Variants in ZC3H3 observed in about 807,000 individuals in gnomAD.
ZC3H3 encodes the protein zinc finger CCCH domain-containing protein 3.
Under a neutral mutation model 77.3 loss-of-function variants are expected in ZC3H3, and 36 were observed. That is an observed-to-expected ratio of 0.47 (90% CI 0.36 to 0.61). ZC3H3 has a LOEUF of 0.61. ZC3H3 is among the 20% of genes least tolerant of loss of function. The probability of loss-of-function intolerance (pLI) is 0.00; values close to 1 mark genes in which losing one functional copy is unlikely to be tolerated. For missense variants in ZC3H3, 1,331 were observed against 1,312.2 expected (o/e 1.01, Z -0.22); for synonymous variants, 626 against 555.2 (o/e 1.13, Z -1.79).
intron 4 of ZC3H3, among the ~76,000 whole-genome samples, chr8:143,491,243 C>T (rs772369768): frequency 6.6e-6 from 1 of 152,218 alleles, no homozygotes; most frequent in African/African-American, 2.4e-5. Flanking sequence ...GAGCTCCCTC[C>T]CCGAAGGTCC....
chr8:143,516,208 T>C (rs1822035390), intron 3 of ZC3H3, among the ~76,000 whole-genome samples: 1 of 152,252 alleles, frequency 6.6e-6, no homozygotes, highest in Non-Finnish European at 1.5e-5. Flanking sequence ...GTGGGATGAC[T>C]GGAACCACAA....
chr8:143,532,419 C>T (rs557707259), intron 3 of ZC3H3, among the ~76,000 whole-genome samples: 25 of 152,388 alleles, frequency 1.6e-4, no homozygotes, highest in Middle Eastern at 3.4e-3. Flanking sequence ...GACACTGGGA[C>T]ACTGCCGTCT....
At chr8:143,539,514 T>G (rs996790202) in intron 1 of ZC3H3, among the ~76,000 whole-genome samples, 194 bp from the exon 2 acceptor site, 7 of 152,168 alleles carry the variant, frequency 4.6e-5, no homozygotes, top group Non-Finnish European at 8.8e-5. Context: ...GGCCTGTCGC[T>G]TCTATGAGCC....
chr8:143,483,912 C>A (rs528174633), intron 4 of ZC3H3, among the ~76,000 whole-genome samples: 13 of 152,354 alleles, frequency 8.5e-5, no homozygotes, highest in Non-Finnish European at 1.2e-4. Flanking sequence ...CTGTCACCCC[C>A]ACAGCATCTA....
chr8:143,536,544 A>T (rs1427106283), intron 2 of ZC3H3, 91 bp from the exon 3 acceptor site: 1 of 1,318,734 alleles, frequency 7.6e-7, no homozygotes, highest in African/African-American at 1.5e-5. Flanking sequence ...GCGTGGGAGC[A>T]GCTCCTGAAG....
intron 4 of ZC3H3, among the ~76,000 whole-genome samples, chr8:143,501,994 G>A (rs563903182): frequency 7.7e-4 from 118 of 152,372 alleles, no homozygotes; most frequent in African/African-American, 2.5e-3. Flanking sequence ...GTCCTGAGGT[G>A]GGGCCCTCAT....
At chr8:143,504,346 T>A (rs1821623759) in intron 4 of ZC3H3, among the ~76,000 whole-genome samples, 1 of 151,234 alleles carries the variant, frequency 6.6e-6, no homozygotes. Context: ...GCAGGGGAGG[T>A]CCCAGGGACA....
At chr8:143,444,928 G>A (rs1196778472) in intron 9 of ZC3H3, among the ~76,000 whole-genome samples, 1 of 152,152 alleles carries the variant, frequency 6.6e-6, no homozygotes, top group Non-Finnish European at 1.5e-5. Flanking sequence ...ACAGAAAAAT[G>A]CAAGAGAATT....
intron 9 of ZC3H3, among the ~76,000 whole-genome samples, chr8:143,455,502 C>A (rs895507871): frequency 1.3e-5 from 2 of 151,674 alleles, no homozygotes; most frequent in Admixed American, 6.6e-5. Context: ...CTCTGCCCCC[C>A]CTCCCCAAAA....
intron 9 of ZC3H3, among the ~76,000 whole-genome samples, chr8:143,442,280 C>T (rs563236353): frequency 1.4e-4 from 22 of 152,048 alleles, no homozygotes; most frequent in African/African-American, 4.1e-4. Context: ...TCCTGCGACA[C>T]GGAGTCTGAG....
At chr8:143,504,627 G>A (rs1360908467) in intron 4 of ZC3H3, among the ~76,000 whole-genome samples, 1 of 152,150 alleles carries the variant, frequency 6.6e-6, no homozygotes. Flanking sequence ...GGTTCACGCT[G>A]CACTGCGCTG....
chr8:143,463,534 C>T (rs1221300514), intron 9 of ZC3H3, among the ~76,000 whole-genome samples: 12 of 152,160 alleles, frequency 7.9e-5, no homozygotes, highest in Non-Finnish European at 1.6e-4. Context: ...TCAAGGACGC[C>T]GGCCGCGGAT....
At chr8:143,451,930 G>A (rs191680653) in intron 9 of ZC3H3, among the ~76,000 whole-genome samples, 12 of 152,342 alleles carry the variant, frequency 7.9e-5, no homozygotes, top group South Asian at 4.2e-4. Flanking sequence ...CTCTGGCTGC[G>A]GAGAAGGTGC....
At chr8:143,458,042 AAAG>A (rs1040848117) in intron 9 of ZC3H3, among the ~76,000 whole-genome samples, 4 of 152,236 alleles carry the variant, frequency 2.6e-5, no homozygotes, top group African/African-American at 9.6e-5. Flanking sequence ...TCAGTAAAAC[AAAG>A]AATGGGTACT....
intron 9 of ZC3H3, among the ~76,000 whole-genome samples, chr8:143,457,470 A>G (rs1208642805): frequency 3.3e-5 from 5 of 152,152 alleles, no homozygotes; most frequent in Admixed American, 6.5e-5. Context: ...GGTGGCTCAT[A>G]CCTATAATCT....
chr8:143,473,254 C>T (rs1458636385), intron 5 of ZC3H3, among the ~76,000 whole-genome samples: 4 of 152,150 alleles, frequency 2.6e-5, no homozygotes, highest in Non-Finnish European at 5.9e-5. Flanking sequence ...CCTCACGCCC[C>T]CTCCCACTCC....
At chr8:143,471,176 C>T (rs1390432992) in intron 5 of ZC3H3, among the ~76,000 whole-genome samples, 1 of 152,260 alleles carries the variant, frequency 6.6e-6, no homozygotes, top group Non-Finnish European at 1.5e-5. Flanking sequence ...CAGGCCAGCA[C>T]TCTCCCAAGA....
intron 5 of ZC3H3, 146 bp from the exon 6 acceptor site, chr8:143,468,805 C>A: frequency 9.1e-7 from 1 of 1,100,990 alleles, no homozygotes; most frequent in Non-Finnish European, 1.3e-6. Context: ...CCAGAGCTCC[C>A]CTCCCCACAG....
intron 4 of ZC3H3, 76 bp downstream of exon 4, chr8:143,507,670 C>CTA (rs1159427215): frequency 7.2e-7 from 1 of 1,393,320 alleles, no homozygotes; most frequent in Non-Finnish European, 9.3e-7. Context: ...CCCTTGGATT[C>CTA]TACCCTGCAG....
Sources: allele counts gnomAD v4.1 joint callset (sites outside exome capture counted in the v4.1 genomes callset), GRCh38; gene constraint gnomAD v4.1.1; transcripts MANE v1.5; gene names NCBI Gene and HGNC (gene_info 2026-07-23, HGNC 2026-07-21).